TNPO3: variants seen among roughly 807,000 people sequenced by gnomAD.
TNPO3 encodes the protein transportin 3.
In TNPO3, 65 loss-of-function variants were observed where a neutral mutation model predicts 122.8. The observed-to-expected ratio is 0.53, with a 90% CI of 0.43 to 0.65. The LOEUF (loss-of-function observed/expected upper bound fraction) is 0.65. TNPO3 is among the 30% of genes least tolerant of loss of function. The pLI, the probability that TNPO3 is intolerant of heterozygous loss-of-function variation, is 0.00. For missense variants in TNPO3, 850 were observed against 1,136.7 expected, an observed-to-expected ratio of 0.75 and a Z score of 3.63; for synonymous variants, 372 against 411.2, an observed-to-expected ratio of 0.90 and a Z score of 1.15.
In TNPO3 at chr7:128,979,120, A is replaced by G. The variant is rs1176267963; in HGVS notation, c.1924T>C (p.Trp642Arg). The change falls in exon 16 of 23, where the codon TGG becomes CGG. Residue 642 changes from tryptophan (W) to arginine (R), a missense_variant. Trp to Arg is a moderately radical substitution (Grantham distance 101, BLOSUM62 -3). Coordinates refer to ENST00000265388, the MANE Select transcript of TNPO3 (RefSeq NM_012470.4). ...HPCQKVIQEIWPVLSETLNKH... is the reference protein window; with the variant it reads ...HPCQKVIQEIRPVLSETLNKH... Reference sequence around the variant, plus strand: ...TTTAGAGTCTCGGATAAAACTGGCCATATCTGGGTCAAAAGTAAAAGAGCA... The same window carrying G: ...TTTAGAGTCTCGGATAAAACTGGCCGTATCTGGGTCAAAAGTAAAAGAGCA... 1 of 1,613,928 alleles carries G rather than the reference A, an allele frequency of 6.2e-7. No individual in the cohort carries two copies. The highest frequency in any genetic ancestry group is 8.5e-7 in the Non-Finnish European group (1 of 1,179,912).
intron 21 of TNPO3, among the ~76,000 whole-genome samples, chr7:128,964,951 T>C (rs1038689250): frequency 6.6e-6 from 1 of 151,906 alleles, no homozygotes; most frequent in Non-Finnish European, 1.5e-5. Flanking sequence ...TCAAAAAGGA[T>C]CAAAGACCTG....
chr7:129,019,385 A>G (rs1804209400), intron 1 of TNPO3, among the ~76,000 whole-genome samples: 2 of 152,106 alleles, frequency 1.3e-5, no homozygotes, highest in South Asian at 4.1e-4. Flanking sequence ...ATGAAGACAG[A>G]GCTCTTCACA....
chr7:128,979,314 A>C (rs1563091803), intron 15 of TNPO3, among the ~76,000 whole-genome samples, 191 bp from the exon 16 acceptor site: 2 of 152,258 alleles, frequency 1.3e-5, no homozygotes, highest in Non-Finnish European at 2.9e-5. Flanking sequence ...TAACAAGAGA[A>C]AACAGTGCCT....
At position 129,019,626 on chromosome 7, in the gene TNPO3, A is replaced by G. The variant is rs568459115; in HGVS notation, c.121-1469T>C. Among the ~76,000 whole-genome samples, 13 of 152,302 alleles carry G rather than the reference A, an allele frequency of 8.5e-5. No individual in the cohort carries two copies. In the East Asian group the frequency reaches 2.3e-3, roughly 27 times the overall value. ...CACTTTGGGAGGCCAAAGCAGGAGGATTGTTTGAGCCCAGAAGTTTGACAC... is the reference window on the plus strand; with the variant it reads ...CACTTTGGGAGGCCAAAGCAGGAGGGTTGTTTGAGCCCAGAAGTTTGACAC... On this transcript the variant is annotated intron_variant, in intron 1 of 22. Transcript: ENST00000265388.
At chr7:129,012,653 A>T (rs1206621264) in intron 4 of TNPO3, among the ~76,000 whole-genome samples, 1 of 152,204 alleles carries the variant, frequency 6.6e-6, no homozygotes, top group Non-Finnish European at 1.5e-5. Context: ...TCAGTAAGGG[A>T]TATTCAACCT....
At chr7:129,027,016 G>A (rs1374199098) in intron 1 of TNPO3, among the ~76,000 whole-genome samples, 2 of 151,806 alleles carry the variant, frequency 1.3e-5, no homozygotes, top group Non-Finnish European at 2.9e-5. Flanking sequence ...CAAACTCCTG[G>A]GCTTGCCTGC....
chr7:128,995,715 T>C (rs1454276374), intron 8 of TNPO3, among the ~76,000 whole-genome samples: 3 of 150,396 alleles, frequency 2.0e-5, no homozygotes, highest in African/African-American at 7.4e-5. Context: ...TTTTATTTTT[T>C]TGAGACTGAG....
intron 1 of TNPO3, among the ~76,000 whole-genome samples, chr7:129,021,354 C>T (rs907139939): frequency 4.5e-5 from 3 of 66,710 alleles, no homozygotes; most frequent in African/African-American, 1.8e-4. Context: ...GACTCCGTCT[C>T]AAAAAAAAAA....
intron 1 of TNPO3, among the ~76,000 whole-genome samples, chr7:129,028,732 C>T (rs1805560245): frequency 6.6e-6 from 1 of 152,204 alleles, no homozygotes; most frequent in Non-Finnish European, 1.5e-5. Context: ...CTCTGTGGTA[C>T]CCAGGTGCTC....
intron 21 of TNPO3, among the ~76,000 whole-genome samples, chr7:128,958,861 G>A (rs1797165417): frequency 6.6e-6 from 1 of 152,152 alleles, no homozygotes; most frequent in African/African-American, 2.4e-5. Context: ...AAACTTAGCT[G>A]GGTGTGGTGG....
At chr7:129,000,719 C>T in intron 6 of TNPO3, 152 bp from the exon 7 acceptor site, 1 of 785,790 alleles carries the variant, frequency 1.3e-6, no homozygotes, top group Non-Finnish European at 2.0e-6. Context: ...CCATGACAGA[C>T]ACCTTTACCT....
At chr7:128,988,068 G>C (rs888814803) in intron 11 of TNPO3, among the ~76,000 whole-genome samples, 3 of 151,936 alleles carry the variant, frequency 2.0e-5, no homozygotes, top group Non-Finnish European at 4.4e-5. Context: ...CCGCCTCCCG[G>C]GTTCAAGTGA....
At chr7:129,000,903 G>A (rs1448336755) in intron 6 of TNPO3, among the ~76,000 whole-genome samples, 156 bp downstream of exon 6, 1 of 152,102 alleles carries the variant, frequency 6.6e-6, no homozygotes, top group Admixed American at 6.6e-5. Context: ...GCCACTCTAG[G>A]TTCAGAAGAG....
Position 128,954,520 on chromosome 7 carries a change from A to G in TNPO3, c.*897T>C, listed in dbSNP as rs1181984744. The G allele has an allele frequency of 1.3e-5, 2 of 152,110 alleles. No individual in the cohort carries two copies. Among genetic ancestry groups the G allele is most frequent in the East Asian group, 1.9e-4 (1 of 5,196 alleles). 9.4% of individuals were successfully genotyped at this position (152,110 alleles called of 1,614,324 possible). A position where few individuals can be genotyped will look rare whatever the true frequency, so the allele number is the denominator to read the frequency against. On this transcript the variant is annotated 3_prime_UTR_variant, in exon 23 of 23. Coordinates refer to ENST00000265388, the MANE Select transcript of TNPO3 (RefSeq NM_012470.4). ...AACCTTAAAAAACAAAAACTTACAC[A>G]TTTATATCCTGCACTCCCCACCCAC...
At chr7:128,983,917 T>TC (rs1799891407) in intron 13 of TNPO3, among the ~76,000 whole-genome samples, 1 of 152,220 alleles carries the variant, frequency 6.6e-6, no homozygotes, top group Non-Finnish European at 1.5e-5. Flanking sequence ...TCATACTGGC[T>TC]CAGGACAAAC....
chr7:129,034,615 C>T (rs536831677), intron 1 of TNPO3, among the ~76,000 whole-genome samples: 9 of 152,094 alleles, frequency 5.9e-5, no homozygotes, highest in African/African-American at 9.7e-5. Context: ...CGAGGCCAGG[C>T]GCGGTGGCTC....
chr7:129,024,297 C>T (rs1804862651), intron 1 of TNPO3, among the ~76,000 whole-genome samples: 1 of 152,082 alleles, frequency 6.6e-6, no homozygotes, highest in African/African-American at 2.4e-5. Flanking sequence ...CCAGTCATTC[C>T]CACCAGACTG....
At position 128,955,222 on chromosome 7, in the gene TNPO3, CA is replaced by C. The variant is rs1321727884; in HGVS notation, c.*194del. 3 of 413,196 alleles carry C rather than the reference CA, an allele frequency of 7.3e-6. No homozygotes were observed. The highest frequency in any genetic ancestry group is 3.1e-5 in the Admixed American group (1 of 32,666). 25.6% of individuals were successfully genotyped at this position (413,196 alleles called of 1,614,324 possible). ...CCGCGCTGATTTTCCCTCACACCCCCAAACAGGAACTCCTCAGGATGGCCTC... is the reference window on the plus strand; with the variant it reads ...CCGCGCTGATTTTCCCTCACACCCCCAACAGGAACTCCTCAGGATGGCCTC... On this transcript the variant is annotated 3_prime_UTR_variant, in exon 23 of 23. Coordinates refer to ENST00000265388, the MANE Select transcript of TNPO3 (RefSeq NM_012470.4).
At chr7:128,960,455 T>C (rs1162348359) in intron 21 of TNPO3, among the ~76,000 whole-genome samples, 1 of 152,104 alleles carries the variant, frequency 6.6e-6, no homozygotes, top group Non-Finnish European at 1.5e-5. Flanking sequence ...TTGAAGACCT[T>C]CTAAGTGGGA....
Sources: gnomAD v4.1 joint callset for allele counts (sites outside exome capture counted in the v4.1 genomes callset) on GRCh38, gnomAD v4.1.1 for gene constraint, MANE v1.5 for transcripts, NCBI Gene and HGNC (gene_info 2026-07-23, HGNC 2026-07-21) for gene names.